The following DPP10 variants were observed in gnomAD, a reference collection of about 807,000 sequenced individuals.
DPP10 encodes dipeptidyl peptidase like 10, also known as inactive dipeptidyl peptidase 10.
A neutral mutation model predicts 120.9 loss-of-function variants in DPP10; 33 were observed. The observed-to-expected ratio is 0.27, with a 90% CI of 0.21 to 0.37. The LOEUF (loss-of-function observed/expected upper bound fraction) is 0.37, where lower values mean the gene tolerates loss of function less well. Ranked by LOEUF, DPP10 falls within the 10% of genes least tolerant of loss-of-function variation. The probability of loss-of-function intolerance (pLI) is 1.00; values close to 1 mark genes in which losing one functional copy is unlikely to be tolerated. For synonymous variants in DPP10, 337 were observed against 326.1 expected (o/e 1.03, Z -0.36); for missense variants, 816 against 942.8 (o/e 0.87, Z 1.76).
chr2:115,221,383 A>G (rs2057147931), intron 1 of DPP10, among the ~76,000 whole-genome samples: 1 of 152,154 alleles, frequency 6.6e-6, no homozygotes, highest in South Asian at 2.1e-4. Flanking sequence ...CGTTATACTC[A>G]AATGCACTAA....
At chr2:114,635,514 C>T (rs1409259383) in intron 1 of DPP10, among the ~76,000 whole-genome samples, 2 of 151,880 alleles carry the variant, frequency 1.3e-5, no homozygotes, top group Admixed American at 6.6e-5. Flanking sequence ...GCTATATGAG[C>T]AAGACTGTTA....
At chr2:115,735,806 T>G (rs984288340) in intron 8 of DPP10, among the ~76,000 whole-genome samples, 12 of 151,108 alleles carry the variant, frequency 7.9e-5, no homozygotes, top group Admixed American at 2.0e-4. Flanking sequence ...GTGTTGTGAT[T>G]ACAGGTGTGA....
chr2:115,381,127 G>T (rs1229592527), intron 3 of DPP10, among the ~76,000 whole-genome samples: 1 of 152,080 alleles, frequency 6.6e-6, no homozygotes, highest in African/African-American at 2.4e-5. Flanking sequence ...AAATTCTCCT[G>T]GATAATATCC....
chr2:115,464,422 A>AC, intron 3 of DPP10, among the ~76,000 whole-genome samples: 1 of 151,736 alleles, frequency 6.6e-6, no homozygotes, highest in Non-Finnish European at 1.5e-5. Flanking sequence ...AAACACAAAC[A>AC]AAACAAAACA....
chr2:115,762,187 C>A (rs1680194439), intron 11 of DPP10, among the ~76,000 whole-genome samples: 2 of 152,128 alleles, frequency 1.3e-5, no homozygotes, highest in South Asian at 4.1e-4. Flanking sequence ...TTATTCCTGG[C>A]TGTTTGCCCA....
intron 1 of DPP10, among the ~76,000 whole-genome samples, chr2:115,134,139 A>T (rs1228698236): frequency 6.6e-6 from 1 of 152,224 alleles, no homozygotes; most frequent in East Asian, 1.9e-4. Flanking sequence ...ACATTAGGAA[A>T]AAGATCTTTT....
chr2:115,618,567 C>T (rs2084700575), intron 5 of DPP10, among the ~76,000 whole-genome samples: 1 of 152,178 alleles, frequency 6.6e-6, no homozygotes, highest in Non-Finnish European at 1.5e-5. Context: ...TATCACTTGT[C>T]TTACTAGGTA....
At chr2:115,380,427 G>A (rs932963530) in intron 3 of DPP10, among the ~76,000 whole-genome samples, 9 of 151,922 alleles carry the variant, frequency 5.9e-5, no homozygotes, top group African/African-American at 1.7e-4. Flanking sequence ...CCATCCTTTG[G>A]TTTTGAGCCT....
At chr2:115,100,601 T>C (rs2048644753) in intron 1 of DPP10, among the ~76,000 whole-genome samples, 2 of 152,060 alleles carry the variant, frequency 1.3e-5, no homozygotes, top group South Asian at 2.1e-4. Context: ...TATGTATCAA[T>C]TGGTCTCTGT....
At chr2:114,629,212 A>G (rs1030987705) in intron 1 of DPP10, among the ~76,000 whole-genome samples, 2 of 152,028 alleles carry the variant, frequency 1.3e-5, no homozygotes, top group African/African-American at 4.8e-5. Flanking sequence ...TTTTCCTTCA[A>G]ACTTTCTCTG....
intron 1 of DPP10, among the ~76,000 whole-genome samples, chr2:115,116,310 C>T (rs900084271): frequency 1.3e-5 from 2 of 152,174 alleles, no homozygotes; most frequent in African/African-American, 4.8e-5. Context: ...AGTGCCATTA[C>T]ATAGCATTTT....
At chr2:115,819,887 G>A (rs1415368958) in intron 21 of DPP10, among the ~76,000 whole-genome samples, 1 of 152,170 alleles carries the variant, frequency 6.6e-6, no homozygotes, top group Non-Finnish European at 1.5e-5. Flanking sequence ...CCAGCTACCT[G>A]GGAGGCTGAG....
chr2:114,873,994 T>G (rs1177326873), intron 1 of DPP10, among the ~76,000 whole-genome samples: 1 of 152,190 alleles, frequency 6.6e-6, no homozygotes, highest in African/African-American at 2.4e-5. Context: ...GAATGACCAC[T>G]GTGTTCAAGT....
At chr2:115,836,399 T>A in intron 22 of DPP10, 108 bp from the exon 23 acceptor site, 1 of 1,456,586 alleles carries the variant, frequency 6.9e-7, no homozygotes, top group South Asian at 1.2e-5. Context: ...TTGATTCAGC[T>A]GATTTTACTA....
chr2:115,246,743 T>G (rs1365726838), intron 1 of DPP10, among the ~76,000 whole-genome samples: 1 of 152,108 alleles, frequency 6.6e-6, no homozygotes, highest in Non-Finnish European at 1.5e-5. Flanking sequence ...AACTCTTATT[T>G]TACTATATGT....
At chr2:115,690,250 C>G (rs1276556647) in intron 7 of DPP10, among the ~76,000 whole-genome samples, 1 of 151,912 alleles carries the variant, frequency 6.6e-6, no homozygotes, top group African/African-American at 2.4e-5. Context: ...ATGAAAAATT[C>G]AAAATAAAGA....
At chr2:115,068,077 T>A (rs1034534041) in intron 1 of DPP10, among the ~76,000 whole-genome samples, 1 of 152,058 alleles carries the variant, frequency 6.6e-6, no homozygotes. Context: ...TTCCTTTGAA[T>A]GTATACACAA....
At chr2:115,606,399 T>TA in intron 5 of DPP10, among the ~76,000 whole-genome samples, 1 of 152,264 alleles carries the variant, frequency 6.6e-6, no homozygotes, top group South Asian at 2.1e-4. Flanking sequence ...AACACTACAT[T>TA]AAAAATATAA....
intron 1 of DPP10, among the ~76,000 whole-genome samples, chr2:114,901,926 C>T (rs1323677349): frequency 6.6e-6 from 1 of 152,292 alleles, no homozygotes; most frequent in Non-Finnish European, 1.5e-5. Context: ...GCAGACCAGT[C>T]AAGAGCAAAG....
Sources: gnomAD v4.1 joint callset for allele counts (sites outside exome capture counted in the v4.1 genomes callset) on GRCh38, gnomAD v4.1.1 for gene constraint, MANE v1.5 for transcripts, NCBI Gene and HGNC (gene_info 2026-07-23, HGNC 2026-07-21) for gene names.